PCBP3: variants seen among roughly 807,000 people sequenced by gnomAD.
The protein encoded by PCBP3 is poly(rC) binding protein 3.
A neutral mutation model predicts 52.7 loss-of-function variants in PCBP3; 25 were observed. The observed-to-expected ratio is 0.47, with a 90% CI of 0.35 to 0.66. PCBP3 has a LOEUF of 0.66. Ranked by LOEUF, PCBP3 falls within the 30% of genes least tolerant of loss-of-function variation. PCBP3 has a pLI of 0.01. For missense variants in PCBP3, 391 were observed against 490.3 expected (o/e 0.80, Z 1.91); for synonymous variants, 162 against 183.0 (o/e 0.89, Z 0.93).
chr21:45,676,702 A>G (rs924666647), intron 2 of PCBP3, among the ~76,000 whole-genome samples: 3 of 152,144 alleles, frequency 2.0e-5, no homozygotes, highest in African/African-American at 4.8e-5. Context: ...AATTGGGCCA[A>G]TTAATAACCC....
At chr21:45,648,303 A>T (rs999126146) in intron 1 of PCBP3, among the ~76,000 whole-genome samples, 1 of 152,244 alleles carries the variant, frequency 6.6e-6, no homozygotes, top group Non-Finnish European at 1.5e-5. Flanking sequence ...AGGGAATAAC[A>T]TGATTAGATT....
chr21:45,869,366 C>T (rs2094902903), intron 5 of PCBP3: 1 of 152,222 alleles, frequency 6.6e-6, no homozygotes, highest in African/African-American at 2.4e-5. Context: ...TCAGGCTGCC[C>T]CACCCTGGAC....
chr21:45,683,686 G>A (rs1460274590), intron 2 of PCBP3, among the ~76,000 whole-genome samples: 1 of 152,022 alleles, frequency 6.6e-6, no homozygotes, highest in Non-Finnish European at 1.5e-5. Context: ...CAGCACTTTG[G>A]GAGACTAAGG....
At chr21:45,814,127 A>G (rs2092759676) in intron 4 of PCBP3, among the ~76,000 whole-genome samples, 1 of 152,384 alleles carries the variant, frequency 6.6e-6, no homozygotes, top group South Asian at 2.1e-4. Context: ...CAGTTGTGAC[A>G]CAGTGGCAAT....
chr21:45,822,762 G>A (rs2093180467), intron 4 of PCBP3, among the ~76,000 whole-genome samples: 1 of 152,342 alleles, frequency 6.6e-6, no homozygotes, highest in Admixed American at 6.5e-5. Context: ...TTGGTTGTGA[G>A]TTTCTGACTC....
intron 2 of PCBP3, among the ~76,000 whole-genome samples, chr21:45,734,391 C>A (rs2085696065): frequency 6.6e-6 from 1 of 152,226 alleles, no homozygotes. Context: ...CCACAGACCT[C>A]TGGGATGTTT....
Position 45,852,667 on chromosome 21 carries a change from C to G in PCBP3, c.10+2572C>G, listed in dbSNP as rs548898771. On this transcript the variant is annotated intron_variant, in intron 5 of 17. Transcript: ENST00000681687. ...GAAGGAACACAGCCCTGCAGCCATG[C>G]TGATTTTTGTTCAGAAGGAACACAG... Among the ~76,000 whole-genome samples, 564 of 151,480 alleles carry G rather than the reference C, an allele frequency of 3.7e-3. 5 individuals carry two copies. The highest frequency in any genetic ancestry group is 0.013 in the African/African-American group (520 of 41,034).
intron 5 of PCBP3, among the ~76,000 whole-genome samples, chr21:45,890,122 A>G (rs1210202274): frequency 6.6e-6 from 1 of 152,270 alleles, no homozygotes; most frequent in African/African-American, 2.4e-5. Context: ...AGTTTCCAGC[A>G]GCTACTCTGC....
intron 4 of PCBP3, among the ~76,000 whole-genome samples, chr21:45,773,856 C>T (rs576530944): frequency 1.9e-4 from 29 of 152,266 alleles, no homozygotes; most frequent in Middle Eastern, 3.4e-3. Flanking sequence ...ATTAATTCTT[C>T]GTATCCACGA....
intron 2 of PCBP3, among the ~76,000 whole-genome samples, chr21:45,733,243 A>G (rs1366113835): frequency 1.3e-5 from 2 of 152,150 alleles, no homozygotes; most frequent in Non-Finnish European, 2.9e-5. Context: ...GCTTTCCTGT[A>G]TCATCTTCTA....
chr21:45,670,611 C>G (rs866989517), intron 2 of PCBP3, among the ~76,000 whole-genome samples: 2 of 152,156 alleles, frequency 1.3e-5, no homozygotes, highest in African/African-American at 4.8e-5. Context: ...AACAAAGGCT[C>G]AGTGCTTGGG....
intron 4 of PCBP3, among the ~76,000 whole-genome samples, chr21:45,764,285 G>T (rs569991566): frequency 3.3e-5 from 5 of 152,174 alleles, no homozygotes; most frequent in Non-Finnish European, 5.9e-5. Flanking sequence ...ACCACGCCCG[G>T]CTAATTATGT....
At chr21:45,908,398 CA>C (rs1217092285) in intron 9 of PCBP3, among the ~76,000 whole-genome samples, 2 of 152,114 alleles carry the variant, frequency 1.3e-5, no homozygotes, top group Non-Finnish European at 2.9e-5. Context: ...GCTCTCAGCA[CA>C]AAAAATAGAC....
Position 45,722,881 on chromosome 21 carries a change from C to T in PCBP3, c.-199-12511C>T, listed in dbSNP as rs560703534. 1.8e-4 allele frequency among the ~76,000 whole-genome samples: 27 copies of T among 151,764 alleles called. No individual in the cohort carries two copies. In the East Asian group the frequency reaches 3.7e-3, roughly 21 times the overall value. Reference sequence around the variant, plus strand: ...AACAAAAATTAGCTGGGCGTGGTGGCGTTCACCTGTAGTCCCAAGCTGCTT... The same window carrying T: ...AACAAAAATTAGCTGGGCGTGGTGGTGTTCACCTGTAGTCCCAAGCTGCTT... On this transcript the variant is annotated intron_variant, in intron 2 of 17. Transcript: ENST00000681687.
intron 5 of PCBP3, among the ~76,000 whole-genome samples, chr21:45,863,097 T>C (rs991649646): frequency 3.9e-5 from 6 of 152,068 alleles, no homozygotes; most frequent in South Asian, 2.1e-4. Flanking sequence ...TTTGCATGGG[T>C]CTTTCTTGTG....
chr21:45,691,371 T>C (rs1340136058), intron 2 of PCBP3, among the ~76,000 whole-genome samples: 3 of 147,662 alleles, frequency 2.0e-5, no homozygotes, highest in African/African-American at 7.4e-5. Flanking sequence ...CTATATCTTG[T>C]TTGTGGGGGT....
intron 4 of PCBP3, among the ~76,000 whole-genome samples, chr21:45,775,780 G>T (rs992490788): frequency 7.9e-5 from 12 of 152,112 alleles, no homozygotes; most frequent in African/African-American, 2.9e-4. Flanking sequence ...TTTTTGAAAA[G>T]CCAAGTTTTT....
chr21:45,751,961 G>A (rs957065027), intron 3 of PCBP3, among the ~76,000 whole-genome samples: 1 of 151,670 alleles, frequency 6.6e-6, no homozygotes, highest in African/African-American at 2.4e-5. Context: ...TTTTCTATAG[G>A]GTTTTTGGTC....
chr21:45,910,285 C>T (rs1000729533), intron 10 of PCBP3, among the ~76,000 whole-genome samples: 1 of 148,708 alleles, frequency 6.7e-6, no homozygotes, highest in Non-Finnish European at 1.5e-5. Flanking sequence ...CACTACACTC[C>T]TATGGGCCGT....
Sources: allele counts gnomAD v4.1 joint callset (sites outside exome capture counted in the v4.1 genomes callset), GRCh38; gene constraint gnomAD v4.1.1; transcripts MANE v1.5; gene names NCBI Gene and HGNC (gene_info 2026-07-23, HGNC 2026-07-21).